The following CCSER1 variants were observed in gnomAD, a reference collection of about 807,000 sequenced individuals.
CCSER1 encodes the protein coiled-coil serine rich protein 1, also known as serine-rich coiled-coil domain-containing protein 1.
A neutral mutation model predicts 82.0 loss-of-function variants in CCSER1; 41 were observed. The observed-to-expected ratio is 0.50, with a 90% confidence interval of 0.39 to 0.65. The LOEUF (loss-of-function observed/expected upper bound fraction) is 0.65. Ranked by LOEUF, CCSER1 falls within the 30% of genes least tolerant of loss-of-function variation. The pLI, the probability that CCSER1 is intolerant of heterozygous loss-of-function variation, is 0.00. For missense variants in CCSER1, 1,119 were observed against 1,064.2 expected, an observed-to-expected ratio of 1.05 and a Z score of -0.72; for synonymous variants, 414 against 383.9, an observed-to-expected ratio of 1.08 and a Z score of -0.92.
intron 10 of CCSER1, among the ~76,000 whole-genome samples, chr4:91,304,683 A>AT (rs2149244371): frequency 6.6e-6 from 1 of 152,192 alleles, no homozygotes; most frequent in Non-Finnish European, 1.5e-5. Flanking sequence ...TTAGTAGCAT[A>AT]TATTGTTTCA....
intron 10 of CCSER1, among the ~76,000 whole-genome samples, chr4:91,226,462 G>T (rs1436156831): frequency 6.6e-6 from 1 of 151,904 alleles, no homozygotes; most frequent in African/African-American, 2.4e-5. Flanking sequence ...TAAATGAAAA[G>T]TTATCTTCTT....
At chr4:90,746,491 T>C (rs1299139683) in intron 7 of CCSER1, among the ~76,000 whole-genome samples, 1 of 152,152 alleles carries the variant, frequency 6.6e-6, no homozygotes, top group Non-Finnish European at 1.5e-5. Context: ...CTATAACTTA[T>C]CCTCTTTTTT....
chr4:90,699,952 T>C (rs866580299), intron 6 of CCSER1, among the ~76,000 whole-genome samples: 1 of 151,830 alleles, frequency 6.6e-6, no homozygotes, highest in African/African-American at 2.4e-5. Flanking sequence ...TTACCAGATA[T>C]TGAATCTGCC....
intron 10 of CCSER1, among the ~76,000 whole-genome samples, chr4:91,437,179 C>G (rs372771997): frequency 3.6e-4 from 55 of 152,186 alleles, no homozygotes; most frequent in African/African-American, 1.2e-3. Context: ...TTAACTGGGC[C>G]AAAAATAAAA....
intron 10 of CCSER1, among the ~76,000 whole-genome samples, chr4:91,181,029 C>T (rs903328309): frequency 9.9e-5 from 15 of 152,210 alleles, no homozygotes; most frequent in Admixed American, 3.3e-4. Context: ...AGTGGTTTTC[C>T]GCCCTGGGAG....
intron 6 of CCSER1, among the ~76,000 whole-genome samples, chr4:90,644,204 C>T (rs987719125): frequency 1.3e-5 from 2 of 152,054 alleles, no homozygotes; most frequent in African/African-American, 4.8e-5. Flanking sequence ...GGAATATTTG[C>T]GTATATGTAA....
chr4:91,236,817 G>A (rs567036564), intron 10 of CCSER1, among the ~76,000 whole-genome samples: 22 of 152,200 alleles, frequency 1.4e-4, no homozygotes, highest in Non-Finnish European at 3.1e-4. Flanking sequence ...GTAGACATTG[G>A]GAAGGTTTTG....
intron 7 of CCSER1, among the ~76,000 whole-genome samples, chr4:90,735,372 T>C (rs1745471228): frequency 6.6e-6 from 1 of 152,174 alleles, no homozygotes; most frequent in South Asian, 2.1e-4. Context: ...CCTCTTCCAC[T>C]TTTCAGAATA....
intron 7 of CCSER1, among the ~76,000 whole-genome samples, chr4:90,751,489 C>A (rs1056628178): frequency 5.3e-5 from 8 of 151,882 alleles, no homozygotes; most frequent in African/African-American, 1.7e-4. Flanking sequence ...TTCTCAAGAG[C>A]TCCTTGAGGG....
At chr4:91,151,883 T>TTTCACCTATGTGG (rs1730245501) in intron 10 of CCSER1, among the ~76,000 whole-genome samples, 1 of 152,222 alleles carries the variant, frequency 6.6e-6, no homozygotes, top group Admixed American at 6.5e-5. Context: ...TGAGGAGTGC[T>TTTCACCTATGTGG]TCACTTCCAC....
intron 4 of CCSER1, among the ~76,000 whole-genome samples, chr4:90,411,709 C>T (rs1754860225): frequency 6.6e-6 from 1 of 152,158 alleles, no homozygotes. Flanking sequence ...TGAAAACTGG[C>T]ACAAGACAGG....
intron 8 of CCSER1, among the ~76,000 whole-genome samples, chr4:90,830,680 T>C (rs2149820148): frequency 6.6e-6 from 1 of 152,294 alleles, no homozygotes; most frequent in South Asian, 2.1e-4. Context: ...GTTTTTGGTT[T>C]ATTACACAGC....
rs560537791 is a variant in CCSER1, at chr4:90,156,681, G to A, written c.-42+28850G>A. Among the ~76,000 whole-genome samples, 3 of 152,194 alleles carry A rather than the reference G, an allele frequency of 2.0e-5. No homozygotes were observed. In the South Asian group the frequency reaches 6.2e-4, roughly 32 times the overall value. ...TTGGTTTAAAGTCTGTTTTATCCGA[G>A]ACTGGGATTGCAACCCCTGCCTTTT... On this transcript the variant is annotated intron_variant, in intron 1 of 10. Coordinates refer to ENST00000509176, the MANE Select transcript of CCSER1 (RefSeq NM_001145065.2).
intron 10 of CCSER1, among the ~76,000 whole-genome samples, chr4:91,268,296 T>G (rs1204299029): frequency 6.6e-6 from 1 of 152,216 alleles, no homozygotes; most frequent in Non-Finnish European, 1.5e-5. Context: ...AATGTTTAGA[T>G]CTGGCAGCAT....
At chr4:91,143,621 C>T (rs1313811526) in intron 10 of CCSER1, among the ~76,000 whole-genome samples, 2 of 151,934 alleles carry the variant, frequency 1.3e-5, no homozygotes, top group African/African-American at 4.8e-5. Context: ...TCATAGATGG[C>T]TCTTATTATT....
At chr4:90,515,406 G>C (rs1173085820) in intron 5 of CCSER1, among the ~76,000 whole-genome samples, 2 of 152,096 alleles carry the variant, frequency 1.3e-5, no homozygotes, top group Non-Finnish European at 2.9e-5. Context: ...AGTACATTGG[G>C]CAACTTTTGA....
intron 5 of CCSER1, among the ~76,000 whole-genome samples, chr4:90,626,910 T>A (rs1723394876): frequency 6.6e-6 from 1 of 152,202 alleles, no homozygotes; most frequent in African/African-American, 2.4e-5. Flanking sequence ...AATCCTAGGT[T>A]ATTTCATTTT....
intron 9 of CCSER1, among the ~76,000 whole-genome samples, chr4:90,965,687 A>T (rs989542786): frequency 6.6e-6 from 1 of 152,162 alleles, no homozygotes; most frequent in African/African-American, 2.4e-5. Flanking sequence ...ACAACAAGCC[A>T]TGTGAAAGAG....
intron 10 of CCSER1, among the ~76,000 whole-genome samples, chr4:91,496,703 T>TATTGA (rs1336192910): frequency 2.5e-5 from 1 of 39,508 alleles, no homozygotes; most frequent in African/African-American, 6.8e-5. Context: ...ATTCAATATA[T>TATTGA]ATATATATTC....
Sources: allele counts gnomAD v4.1 joint callset (sites outside exome capture counted in the v4.1 genomes callset), GRCh38; gene constraint gnomAD v4.1.1; transcripts MANE v1.5; gene names NCBI Gene and HGNC (gene_info 2026-07-23, HGNC 2026-07-21).